The following KCNH7 variants were observed in gnomAD, a reference collection of about 807,000 sequenced individuals.
The protein encoded by KCNH7 is voltage-gated inwardly rectifying potassium channel KCNH7.
Under a neutral mutation model 120.8 loss-of-function variants are expected in KCNH7, and 49 were observed. The ratio of observed to expected loss-of-function variants is 0.41; its 90% CI spans 0.32 to 0.51. The LOEUF (loss-of-function observed/expected upper bound fraction) is 0.51, where lower values mean the gene tolerates loss of function less well. Ranked by LOEUF, KCNH7 falls within the 20% of genes least tolerant of loss-of-function variation. KCNH7 has a pLI of 0.38. For missense variants in KCNH7, 1,097 were observed against 1,446.6 expected (o/e 0.76, Z 3.92); for synonymous variants, 547 against 516.1 (o/e 1.06, Z -0.81).
intron 5 of KCNH7, among the ~76,000 whole-genome samples, chr2:162,507,339 G>C (rs1029548102): frequency 6.6e-6 from 1 of 151,534 alleles, no homozygotes; most frequent in Non-Finnish European, 1.5e-5. Context: ...ACTAATAAAA[G>C]TTCCTTCAAA....
intron 2 of KCNH7, among the ~76,000 whole-genome samples, chr2:162,618,554 T>C (rs1349251595): frequency 6.6e-6 from 1 of 152,166 alleles, no homozygotes; most frequent in Non-Finnish European, 1.5e-5. Flanking sequence ...CAATTTTACT[T>C]TGGCAAAATG....
Position 162,682,892 on chromosome 2 carries a change from A to G in KCNH7, c.308-145812T>C, listed in dbSNP as rs150356172. On this transcript the variant is annotated intron_variant, in intron 2 of 15. Transcript: ENST00000332142. ...GGTCCAGAAAAAACCCAGACAATAA[A>G]TGATTTCTCAATCAATACAACTGAA... 3.9e-3 allele frequency among the ~76,000 whole-genome samples: 590 copies of G among 151,990 alleles called. 3 individuals are homozygous for G. Among genetic ancestry groups the G allele is most frequent in the African/African-American group, 0.013 (545 of 41,544 alleles).
intron 4 of KCNH7, among the ~76,000 whole-genome samples, chr2:162,516,847 T>G (rs1691313712): frequency 6.6e-6 from 1 of 151,784 alleles, no homozygotes; most frequent in Non-Finnish European, 1.5e-5. Flanking sequence ...AGCCGGGCTC[T>G]GACACTGACT....
intron 2 of KCNH7, among the ~76,000 whole-genome samples, chr2:162,705,976 T>C (rs1362302538): frequency 6.6e-6 from 1 of 152,150 alleles, no homozygotes; most frequent in Non-Finnish European, 1.5e-5. Context: ...ATGTACTTGA[T>C]TTAAAAGTCA....
At chr2:162,513,881 AT>A (rs1381806427) in intron 4 of KCNH7, among the ~76,000 whole-genome samples, 2 of 151,792 alleles carry the variant, frequency 1.3e-5, no homozygotes, top group Admixed American at 6.6e-5. Flanking sequence ...GAAAAATTTT[AT>A]TTGTAATAAA....
At chr2:162,612,213 C>T (rs551289434) in intron 2 of KCNH7, among the ~76,000 whole-genome samples, 1 of 152,212 alleles carries the variant, frequency 6.6e-6, no homozygotes, top group African/African-American at 2.4e-5. Flanking sequence ...GTGATGTAGG[C>T]ATCATGGCAC....
chr2:162,600,778 C>G (rs540984697), intron 2 of KCNH7, among the ~76,000 whole-genome samples: 23 of 152,086 alleles, frequency 1.5e-4, no homozygotes, highest in African/African-American at 5.3e-4. Flanking sequence ...GTTCTGGGTC[C>G]CTGTTTTGTT....
chr2:162,512,270 T>C (rs964861988), intron 5 of KCNH7, among the ~76,000 whole-genome samples: 8 of 151,872 alleles, frequency 5.3e-5, no homozygotes, highest in Admixed American at 1.3e-4. Context: ...GATGCTGTCA[T>C]GTAGCACTTT....
chr2:162,560,864 C>A (rs1460168202), intron 2 of KCNH7, among the ~76,000 whole-genome samples: 2 of 152,080 alleles, frequency 1.3e-5, no homozygotes, highest in Non-Finnish European at 2.9e-5. Context: ...CAATCAAATT[C>A]TTTAAAAGGT....
chr2:162,777,999 G>A (rs959377964), intron 2 of KCNH7, among the ~76,000 whole-genome samples: 8 of 151,954 alleles, frequency 5.3e-5, no homozygotes, highest in African/African-American at 1.2e-4. Flanking sequence ...TTTGGCATGC[G>A]TGTGGTAAAT....
At chr2:162,391,262 T>C (rs551671228) in intron 12 of KCNH7, among the ~76,000 whole-genome samples, 1 of 152,210 alleles carries the variant, frequency 6.6e-6, no homozygotes, top group Admixed American at 6.6e-5. Flanking sequence ...GCATGAATGA[T>C]CCCCTGAAAG....
intron 2 of KCNH7, among the ~76,000 whole-genome samples, chr2:162,553,649 AAAAAGAAAAG>A (rs751404895): frequency 2.6e-5 from 4 of 152,164 alleles, no homozygotes; most frequent in Admixed American, 6.5e-5. Flanking sequence ...ACTGTCTCAA[AAAAAGAAAAG>A]AAAAGAAAAG....
At chr2:162,656,843 G>T (rs1684782184) in intron 2 of KCNH7, among the ~76,000 whole-genome samples, 1 of 152,130 alleles carries the variant, frequency 6.6e-6, no homozygotes, top group African/African-American at 2.4e-5. Flanking sequence ...AAGAAATACT[G>T]ATTATTGCAA....
intron 7 of KCNH7, among the ~76,000 whole-genome samples, chr2:162,441,999 CTTTTTTTTTTTTTTTTTTT>C (rs779418084): frequency 2.9e-4 from 12 of 41,578 alleles, no homozygotes; most frequent in South Asian, 1.9e-3. Context: ...GTTAGGTCTT[CTTTTTTTTTTTTTTTTTTT>C]TTTTTTTTTT....
intron 2 of KCNH7, among the ~76,000 whole-genome samples, chr2:162,647,122 T>C (rs1684388531): frequency 6.6e-6 from 1 of 152,174 alleles, no homozygotes; most frequent in African/African-American, 2.4e-5. Context: ...AAAGAAAAGA[T>C]AGAGAACCTT....
intron 6 of KCNH7, among the ~76,000 whole-genome samples, chr2:162,449,711 T>C (rs1688702278): frequency 6.6e-6 from 1 of 151,964 alleles, no homozygotes; most frequent in South Asian, 2.1e-4. Context: ...ACAGGATGTA[T>C]TTTCCCTCAG....
At chr2:162,824,602 C>G (rs1281536158) in intron 2 of KCNH7, among the ~76,000 whole-genome samples, 1 of 152,036 alleles carries the variant, frequency 6.6e-6, no homozygotes, top group Non-Finnish European at 1.5e-5. Context: ...ATAATCTTTC[C>G]CTACATTCAT....
chr2:162,658,783 G>C (rs779599677), intron 2 of KCNH7, among the ~76,000 whole-genome samples: 1 of 146,522 alleles, frequency 6.8e-6, no homozygotes, highest in Non-Finnish European at 1.5e-5. Flanking sequence ...TTTATTCTTG[G>C]TACATAGGAA....
chr2:162,694,957 G>A (rs1348596285), intron 2 of KCNH7, among the ~76,000 whole-genome samples: 6 of 152,010 alleles, frequency 3.9e-5, no homozygotes, highest in Non-Finnish European at 8.8e-5. Context: ...TGGCCAGGCT[G>A]ATCTTGAACT....
Sources: allele counts gnomAD v4.1 joint callset (sites outside exome capture counted in the v4.1 genomes callset), GRCh38; gene constraint gnomAD v4.1.1; transcripts MANE v1.5; gene names NCBI Gene and HGNC (gene_info 2026-07-23, HGNC 2026-07-21).